Variants in PCDHGA9 observed in about 807,000 individuals in gnomAD.
The protein encoded by PCDHGA9 is protocadherin gamma subfamily A, 9.
A neutral mutation model predicts 62.5 loss-of-function variants in PCDHGA9; 37 were observed. That is an observed-to-expected ratio of 0.59 (90% CI 0.46 to 0.78). The LOEUF (loss-of-function observed/expected upper bound fraction) is 0.78. Among genes scored for constraint, PCDHGA9 ranks in the 30% least tolerant of loss-of-function variants. PCDHGA9 has a pLI of 0.00. For synonymous variants in PCDHGA9, 459 were observed against 484.6 expected (o/e 0.95, Z 0.69); for missense variants, 1,138 against 1,166.2 (o/e 0.98, Z 0.35).
intron 1 of PCDHGA9, among the ~76,000 whole-genome samples, chr5:141,444,357 G>C (rs1258703336): frequency 3.3e-5 from 5 of 151,798 alleles, no homozygotes; most frequent in African/African-American, 9.7e-5. Flanking sequence ...TTTTAGTAGA[G>C]ACGGGGTTTC....
At chr5:141,428,616 G>A (rs2097151212) in intron 1 of PCDHGA9, 1 of 207,844 alleles carries the variant, frequency 4.8e-6, no homozygotes, top group Admixed American at 5.3e-5. Flanking sequence ...AGAATAACAA[G>A]ATAAGCTCTA....
At position 141,410,774 on chromosome 5, in the gene PCDHGA9, C is replaced by T; in HGVS notation, c.2424+5398C>T. 4 of 955,126 alleles carry T rather than the reference C, an allele frequency of 4.2e-6. No individual in the cohort carries two copies. The South Asian group carries it at 6.1e-5, about 15-fold the overall frequency. The allele number at this position is 955,126 out of a possible 1,614,324, so 59.2% of individuals were successfully genotyped here. ...AATGTTTTTTCAATTATAGTTTTCA[C>T]TATGTATTTGGTTCATAAGTTGCTC... On this transcript the variant is annotated intron_variant, in intron 1 of 3. Coordinates refer to ENST00000573521, the MANE Select transcript of PCDHGA9 (RefSeq NM_018921.3).
chr5:141,471,747 T>A (rs2099263878), intron 1 of PCDHGA9, among the ~76,000 whole-genome samples: 1 of 152,200 alleles, frequency 6.6e-6, no homozygotes, highest in African/African-American at 2.4e-5. Context: ...ACATAACATA[T>A]TTGAGGGTGT....
chr5:141,510,802 C>T (rs1358684730), intron 3 of PCDHGA9, 145 bp from the exon 4 acceptor site: 1 of 1,497,192 alleles, frequency 6.7e-7, no homozygotes, highest in African/African-American at 1.4e-5. Context: ...AGAGAGACTA[C>T]CTTGGTGACC....
At position 141,476,744 on chromosome 5, in the gene PCDHGA9, CT is replaced by C; in HGVS notation, c.2425-18062del. ...CCTGGACCGAGAACGGGAGCCTAGT[CT>C]CCAGTTAGTGCTGACGGCGTTGGAC... is the stretch of plus-strand genomic sequence containing the variant. On this transcript the variant is annotated intron_variant, in intron 1 of 3. Coordinates refer to ENST00000573521, the MANE Select transcript of PCDHGA9 (RefSeq NM_018921.3). The surrounding 1 kb of genome is among the most constrained non-coding windows in gnomAD (Gnocchi z 7.6). 6.2e-7 allele frequency: 1 copy of C among 1,614,046 alleles called. No homozygotes were observed. Among genetic ancestry groups the C allele is most frequent in the East Asian group, 2.2e-5 (1 of 44,884 alleles).
intron 1 of PCDHGA9, among the ~76,000 whole-genome samples, chr5:141,448,660 G>T (rs2098599264): frequency 6.6e-6 from 1 of 151,712 alleles, no homozygotes; most frequent in African/African-American, 2.4e-5. Context: ...TTCCATATTG[G>T]CCGGGCGCGG....
Position 141,490,102 on chromosome 5 carries a change from G to A in PCDHGA9, c.2425-4705G>A, listed in dbSNP as rs377649214. On this transcript the variant is annotated intron_variant, in intron 1 of 3. Coordinates refer to ENST00000573521, the MANE Select transcript of PCDHGA9 (RefSeq NM_018921.3). The surrounding 1 kb of genome is among the most constrained non-coding windows in gnomAD (Gnocchi z 5.4). ...TTCTTTTGGAGACCACACATCTGAG[G>A]CAGTGCGGAACCTCTTTGGCCTAGA... 4.3e-6 allele frequency: 7 copies of A among 1,614,144 alleles called. No homozygotes were observed. The African/African-American group carries it at 9.3e-5, about 22-fold the overall frequency.
intron 1 of PCDHGA9, among the ~76,000 whole-genome samples, chr5:141,456,206 T>C (rs966457070): frequency 6.6e-6 from 1 of 152,098 alleles, no homozygotes; most frequent in African/African-American, 2.4e-5. Context: ...ACCACATTCC[T>C]CCCTGTGGCG....
intron 1 of PCDHGA9, chr5:141,423,080 T>C: frequency 6.2e-7 from 1 of 1,614,050 alleles, no homozygotes; most frequent in East Asian, 2.2e-5. Flanking sequence ...CCGGGACTCT[T>C]CGCGGTGGGG....
At chr5:141,423,120 G>A in intron 1 of PCDHGA9, 1 of 1,613,800 alleles carries the variant, frequency 6.2e-7, no homozygotes. Flanking sequence ...GTACAGCGCG[G>A]GCACTGCTGG....
At chr5:141,419,523 G>C in intron 1 of PCDHGA9, 1 of 1,612,204 alleles carries the variant, frequency 6.2e-7, no homozygotes, top group Non-Finnish European at 8.5e-7. Flanking sequence ...GTGGGCGACC[G>C]TAACGACAAC....
intron 1 of PCDHGA9, chr5:141,413,152 G>C: frequency 1.3e-6 from 2 of 1,574,694 alleles, no homozygotes; most frequent in Non-Finnish European, 1.7e-6. Flanking sequence ...TGAGGACTTT[G>C]CAGAATTCTG....
chr5:141,456,814 ATTAGCCATCGTGG>A (rs2098889077), intron 1 of PCDHGA9, among the ~76,000 whole-genome samples: 1 of 151,928 alleles, frequency 6.6e-6, no homozygotes, highest in Non-Finnish European at 1.5e-5. Context: ...AATACAAAAA[ATTAGCCATCGTGG>A]TAGTGGGCGC....
Position 141,422,132 on chromosome 5 carries a change from T to C in PCDHGA9, c.2424+16756T>C, listed in dbSNP as rs768931697. ...CAATTGGATTCACAAACTGGAGAAG[T>C]TCAAGTACGGGGGTCTCTGGATTTT... On this transcript the variant is annotated intron_variant, in intron 1 of 3. Coordinates refer to ENST00000573521, the MANE Select transcript of PCDHGA9 (RefSeq NM_018921.3). The C allele has an allele frequency of 1.2e-5, 19 of 1,598,396 alleles. No individual in the cohort carries two copies. In the South Asian group the frequency reaches 2.0e-4, roughly 17 times the overall value.
rs2099641707 is a variant in PCDHGA9 at position 141,487,238 on chromosome 5, C to T, written c.2425-7569C>T. 1.2e-6 allele frequency: 2 copies of T among 1,614,056 alleles called. No individual in the cohort carries two copies. The highest frequency in any genetic ancestry group is 1.7e-6 in the Non-Finnish European group (2 of 1,180,022). On this transcript the variant is annotated intron_variant, in intron 1 of 3. Transcript: ENST00000573521. This position sits in a 1 kb window ranked among gnomAD's most constrained non-coding sequence, Gnocchi z 5.0. ...AGCTCCAAGGGAAGGAGAATCTCGT[C>T]TAACCCTCTACTTGGCTGTGTCCCT...
In PCDHGA9 at chr5:141,403,317, A is replaced by G. The variant is rs576274199; in HGVS notation, c.365A>G (p.Glu122Gly). The change falls in exon 1 of 4, where the codon GAA (glutamate) becomes GGA (glycine). Residue 122 changes from glutamate to glycine, a missense_variant. Physicochemically the swap from Glu to Gly is moderately conservative, Grantham distance 98 (BLOSUM62 -2). Transcript: ENST00000573521. ...DRVKLYGIEI[E>G]VTDINDSAPK... ...GTGAAACTGTACGGAATAGAAATAGAAGTAACTGATATTAACGACAGCGCC... is the reference window on the plus strand; with the variant it reads ...GTGAAACTGTACGGAATAGAAATAGGAGTAACTGATATTAACGACAGCGCC... 2 of 1,613,974 alleles carry G rather than the reference A, an allele frequency of 1.2e-6. No individual in the cohort carries two copies. The highest frequency in any genetic ancestry group is 2.2e-5 in the South Asian group (2 of 91,090).
At chr5:141,407,956 A>G (rs2095008608) in intron 1 of PCDHGA9, 1 of 645,868 alleles carries the variant, frequency 1.5e-6, no homozygotes, top group African/African-American at 1.8e-5. Flanking sequence ...CGGCCAGTGC[A>G]GAGCAAGCGC....
At chr5:141,445,118 G>A (rs964726987) in intron 1 of PCDHGA9, among the ~76,000 whole-genome samples, 1 of 152,148 alleles carries the variant, frequency 6.6e-6, no homozygotes, top group Non-Finnish European at 1.5e-5. Flanking sequence ...ATTGTAAATA[G>A]TATTTTTAAA....
rs2099402935 is a variant in PCDHGA9, at chr5:141,476,991, G to A, written c.2425-17816G>A. On this transcript the variant is annotated intron_variant, in intron 1 of 3. Transcript: ENST00000573521. The surrounding 1 kb of genome is among the most constrained non-coding windows in gnomAD (Gnocchi z 7.6). ...GGCAGCCACAACCGCGCCGGCGTGC[G>A]GCAACTATTCGCCTTAGACCTTGTA... 4 of 1,614,094 alleles carry A rather than the reference G, an allele frequency of 2.5e-6. No homozygotes were observed. Among genetic ancestry groups the A allele is most frequent in the Non-Finnish European group, 3.4e-6 (4 of 1,180,056 alleles).
Sources: gnomAD v4.1 joint callset for allele counts (sites outside exome capture counted in the v4.1 genomes callset) on GRCh38, gnomAD v4.1.1 for gene constraint, Gnocchi (gnomAD v3.1) non-coding constraint, MANE v1.5 for transcripts, NCBI Gene and HGNC (gene_info 2026-07-23, HGNC 2026-07-21) for gene names.